The following CPNE4 variants were observed in gnomAD, a reference collection of about 807,000 sequenced individuals.
The protein encoded by CPNE4 is copine-4.
Under a neutral mutation model 67.9 loss-of-function variants are expected in CPNE4, and 25 were observed. The ratio of observed to expected loss-of-function variants is 0.37; its 90% CI spans 0.27 to 0.51. CPNE4 has a LOEUF of 0.51. Ranked by LOEUF, CPNE4 falls within the 20% of genes least tolerant of loss-of-function variation. CPNE4 has a pLI of 0.93. For missense variants in CPNE4, 464 were observed against 690.8 expected, an observed-to-expected ratio of 0.67 and a Z score of 3.68; for synonymous variants, 242 against 244.9, an observed-to-expected ratio of 0.99 and a Z score of 0.11.
At chr3:131,989,678 C>A (rs1422847982) in intron 1 of CPNE4, among the ~76,000 whole-genome samples, 1 of 135,954 alleles carries the variant, frequency 7.4e-6, no homozygotes, top group African/African-American at 2.5e-5. Flanking sequence ...GACAAGAAAG[C>A]GCTTATTAAA....
At chr3:131,606,081 C>T (rs1169495129) in intron 7 of CPNE4, among the ~76,000 whole-genome samples, 5 of 152,076 alleles carry the variant, frequency 3.3e-5, no homozygotes, top group South Asian at 4.1e-4. Flanking sequence ...GGCAACCTTC[C>T]GTTGGATCCC....
chr3:131,680,524 A>C (rs748367411), intron 6 of CPNE4, among the ~76,000 whole-genome samples: 2 of 151,592 alleles, frequency 1.3e-5, no homozygotes, highest in African/African-American at 2.4e-5. Flanking sequence ...TATTTTAATG[A>C]CTCTGTCTTG....
chr3:131,732,863 T>C (rs2082158952), intron 2 of CPNE4, among the ~76,000 whole-genome samples: 1 of 152,244 alleles, frequency 6.6e-6, no homozygotes, highest in Non-Finnish European at 1.5e-5. Flanking sequence ...ATTAATGAAT[T>C]ATGGGCTTTT....
chr3:131,894,613 A>G (rs948379759), intron 2 of CPNE4, among the ~76,000 whole-genome samples: 3 of 152,004 alleles, frequency 2.0e-5, no homozygotes, highest in African/African-American at 7.2e-5. Flanking sequence ...AAATTTTTAA[A>G]ATGTTCAATA....
In CPNE4 at chr3:131,952,143, C is replaced by T. The variant is rs1447700725; in HGVS notation, c.-1-46699G>A. ...GAGTGCCTCTTCCCGGCCGCCATCA[C>T]ATCTAGGAAGTGAGGAGCATCTCTG... On this transcript the variant is annotated intron_variant, in intron 1 of 15. Transcript: ENST00000429747. Among the ~76,000 whole-genome samples, 347 of 150,710 alleles carry T rather than the reference C, an allele frequency of 2.3e-3. 1 individual carries two copies. Among genetic ancestry groups the T allele is most frequent in the African/African-American group, 8.0e-3 (327 of 41,060 alleles).
intron 2 of CPNE4, among the ~76,000 whole-genome samples, chr3:131,725,419 T>C (rs985278293): frequency 1.3e-5 from 2 of 152,140 alleles, no homozygotes; most frequent in African/African-American, 4.8e-5. Flanking sequence ...AGAAAACCAA[T>C]CTCCAGCCCA....
chr3:131,665,396 C>A (rs1364983673), intron 7 of CPNE4, among the ~76,000 whole-genome samples: 3 of 152,066 alleles, frequency 2.0e-5, no homozygotes, highest in Non-Finnish European at 4.4e-5. Context: ...ACATGCTGGG[C>A]ACCTATAATC....
At chr3:131,714,640 T>C (rs965697158) in intron 3 of CPNE4, among the ~76,000 whole-genome samples, 3 of 152,186 alleles carry the variant, frequency 2.0e-5, no homozygotes, top group African/African-American at 7.2e-5. Context: ...CAAAGTGTGA[T>C]GTCTGGACCT....
At chr3:131,724,306 G>A (rs1400752706) in intron 2 of CPNE4, among the ~76,000 whole-genome samples, 1 of 152,020 alleles carries the variant, frequency 6.6e-6, no homozygotes, top group African/African-American at 2.4e-5. Flanking sequence ...TCAATTCCCT[G>A]GGCCTCAGTT....
chr3:131,848,003 A>G (rs1475029071), intron 2 of CPNE4, among the ~76,000 whole-genome samples: 1 of 152,204 alleles, frequency 6.6e-6, no homozygotes, highest in Non-Finnish European at 1.5e-5. Context: ...TTCATTCTGC[A>G]GAAGACTTGT....
At chr3:131,863,972 T>C (rs376626856) in intron 2 of CPNE4, among the ~76,000 whole-genome samples, 4 of 152,244 alleles carry the variant, frequency 2.6e-5, no homozygotes, top group East Asian at 3.9e-4. Context: ...AATCCTTTCC[T>C]CATTTCTTGT....
chr3:131,594,923 C>T (rs1449094390), intron 7 of CPNE4, among the ~76,000 whole-genome samples: 1 of 152,088 alleles, frequency 6.6e-6, no homozygotes, highest in Non-Finnish European at 1.5e-5. Flanking sequence ...TTATAGAAGG[C>T]ATACAAATGG....
chr3:131,912,201 A>G (rs546556969), intron 1 of CPNE4, among the ~76,000 whole-genome samples: 10 of 152,300 alleles, frequency 6.6e-5, no homozygotes, highest in African/African-American at 2.2e-4. Flanking sequence ...GAGATAATTT[A>G]AGTTATTAAA....
chr3:131,920,450 T>A (rs943642848), intron 1 of CPNE4, among the ~76,000 whole-genome samples: 1 of 152,120 alleles, frequency 6.6e-6, no homozygotes, highest in Non-Finnish European at 1.5e-5. Flanking sequence ...GCTATTAGTT[T>A]ACATGTCTGC....
intron 2 of CPNE4, among the ~76,000 whole-genome samples, chr3:131,752,794 T>C (rs1231507540): frequency 6.6e-6 from 1 of 152,156 alleles, no homozygotes; most frequent in African/African-American, 2.4e-5. Context: ...TTTTGAATGG[T>C]AAAATTTTAT....
chr3:131,928,394 A>G (rs1333289020), intron 1 of CPNE4, among the ~76,000 whole-genome samples: 1 of 152,202 alleles, frequency 6.6e-6, no homozygotes, highest in Admixed American at 6.5e-5. Flanking sequence ...CTACTTGGCT[A>G]TAAAAATTTT....
At chr3:131,976,154 C>T (rs1422762451) in intron 1 of CPNE4, among the ~76,000 whole-genome samples, 5 of 148,872 alleles carry the variant, frequency 3.4e-5, no homozygotes, top group African/African-American at 7.4e-5. Context: ...AACATTCTAC[C>T]TTAAAGTGTT....
rs75046051 is a variant in CPNE4 at position 131,988,953 on chromosome 3, T to C, written c.-2+45614A>G. Among the ~76,000 whole-genome samples the C allele has an allele frequency of 7.9e-5, 12 of 152,346 alleles. No homozygotes were observed. The East Asian group carries it at 1.9e-3, about 24-fold the overall frequency. The stretch of plus-strand genomic sequence containing the variant: ...AAGTTAAATACAAATTATTCTTTTC[T>C]ATGCATTTCCCCTCTTTCTTCCCTT... On this transcript the variant is annotated intron_variant, in intron 1 of 15. Coordinates refer to ENST00000429747, the MANE Select transcript of CPNE4 (RefSeq NM_130808.3).
At chr3:131,624,751 C>T (rs748249991) in intron 7 of CPNE4, among the ~76,000 whole-genome samples, 8 of 149,648 alleles carry the variant, frequency 5.3e-5, no homozygotes, top group Non-Finnish European at 7.4e-5. Flanking sequence ...GTTTCTTCAG[C>T]GGAATAACGT....
Sources: gnomAD v4.1 joint callset for allele counts (sites outside exome capture counted in the v4.1 genomes callset) on GRCh38, gnomAD v4.1.1 for gene constraint, MANE v1.5 for transcripts, NCBI Gene and HGNC (gene_info 2026-07-23, HGNC 2026-07-21) for gene names.